The following CUX1 variants were observed in gnomAD, a reference collection of about 807,000 sequenced individuals.
CUX1 encodes cut like homeobox 1, also known as protein CASP.
A neutral mutation model predicts 158.8 loss-of-function variants in CUX1; 31 were observed. That is an observed-to-expected ratio of 0.20 (90% confidence interval 0.15 to 0.26). The LOEUF (loss-of-function observed/expected upper bound fraction) is 0.26. CUX1 is among the 10% of genes least tolerant of loss of function. CUX1 has a pLI of 1.00. For synonymous variants in CUX1, 879 were observed against 862.1 expected (o/e 1.02, Z -0.34); for missense variants, 1,589 against 2,014.6 (o/e 0.79, Z 4.04).
intron 1 of CUX1, among the ~76,000 whole-genome samples, chr7:101,910,511 T>C (rs548560403): frequency 5.7e-4 from 86 of 152,210 alleles, no homozygotes; most frequent in African/African-American, 2.0e-3. Flanking sequence ...AATTCCGCAC[T>C]TTGGCAGGCC....
At chr7:102,039,301 C>A (rs927339884) in intron 3 of CUX1, among the ~76,000 whole-genome samples, 5 of 152,162 alleles carry the variant, frequency 3.3e-5, no homozygotes, top group African/African-American at 1.2e-4. Context: ...CGTCTGGCAT[C>A]CCAGAAGTGC....
intron 1 of CUX1, among the ~76,000 whole-genome samples, chr7:101,832,504 G>T (rs558257464): frequency 2.6e-5 from 4 of 152,302 alleles, no homozygotes; most frequent in East Asian, 3.9e-4. Context: ...AGTCCCCACA[G>T]GTTTATCAAA....
At chr7:102,000,548 A>G (rs991101339) in intron 2 of CUX1, among the ~76,000 whole-genome samples, 8 of 152,232 alleles carry the variant, frequency 5.3e-5, no homozygotes, top group South Asian at 2.1e-4. Context: ...TGTTTAATCA[A>G]TGACTCTGGT....
intron 4 of CUX1, among the ~76,000 whole-genome samples, chr7:102,071,067 C>T (rs1479029360): frequency 6.6e-6 from 1 of 152,156 alleles, no homozygotes; most frequent in Non-Finnish European, 1.5e-5. Flanking sequence ...GCGATCCTCC[C>T]ACCTCAACCT....
intron 1 of CUX1, among the ~76,000 whole-genome samples, chr7:101,882,590 G>A (rs967933628): frequency 1.3e-5 from 2 of 152,192 alleles, no homozygotes; most frequent in East Asian, 1.9e-4. Context: ...AGCACCTCTC[G>A]TCACCTTTTC....
chr7:102,013,783 CACCCTCG>C (rs2129301800), intron 2 of CUX1, among the ~76,000 whole-genome samples: 1 of 152,274 alleles, frequency 6.6e-6, no homozygotes, highest in Non-Finnish European at 1.5e-5. Flanking sequence ...CGGCTCACTG[CACCCTCG>C]ACCTCTCTGG....
chr7:101,818,499 C>G (rs1423707716), intron 1 of CUX1, among the ~76,000 whole-genome samples: 1 of 152,218 alleles, frequency 6.6e-6, no homozygotes, highest in Non-Finnish European at 1.5e-5. Flanking sequence ...TCCTGTCCCC[C>G]ATATTAGCTA....
chr7:102,119,839 G>A (rs546973255), intron 8 of CUX1, among the ~76,000 whole-genome samples: 10 of 152,136 alleles, frequency 6.6e-5, no homozygotes, highest in Admixed American at 4.6e-4. Context: ...GAGCCACTAC[G>A]CCTGACATTC....
chr7:102,028,248 T>A, intron 3 of CUX1, 103 bp downstream of exon 3: 1 of 1,248,308 alleles, frequency 8.0e-7, no homozygotes, highest in East Asian at 2.4e-5. Context: ...GCTGCCCAGA[T>A]GGTGCCTTCC....
Position 102,216,763 on chromosome 7 carries a change from C to G in CUX1, c.3131-10604C>G, listed in dbSNP as rs554415480. Among the ~76,000 whole-genome samples the G allele has an allele frequency of 6.1e-5, 9 of 146,448 alleles. No individual in the cohort carries two copies. In the South Asian group the frequency reaches 1.8e-3, roughly 29 times the overall value. Reference sequence around the variant, plus strand: ...ACACACACTTCTGCACACACACACTCTTCCACACACACTCTCCCACACACA... The same window carrying G: ...ACACACACTTCTGCACACACACACTGTTCCACACACACTCTCCCACACACA... On this transcript the variant is annotated intron_variant, in intron 20 of 23. Coordinates refer to ENST00000292535, the MANE Select transcript of CUX1 (RefSeq NM_181552.4).
intron 1 of CUX1, among the ~76,000 whole-genome samples, chr7:101,850,371 C>A (rs1219107329): frequency 6.6e-6 from 1 of 151,308 alleles, no homozygotes; most frequent in African/African-American, 2.4e-5. Context: ...TCCCCACTCT[C>A]ATTTCCTACA....
At chr7:101,831,835 G>A (rs898326197) in intron 1 of CUX1, among the ~76,000 whole-genome samples, 1 of 151,818 alleles carries the variant, frequency 6.6e-6, no homozygotes, top group Admixed American at 6.6e-5. Context: ...TTGACCTCCC[G>A]GGCTCAAGCT....
In CUX1 at chr7:102,100,078, G is replaced by A. The variant is rs190333519; in HGVS notation, c.406+2577G>A. ...GCAGATCACTTGAGGTCATGAGTTC[G>A]AGACCAGCCTGGCCAACATGACGAA... On this transcript the variant is annotated intron_variant, in intron 5 of 23. Transcript: ENST00000292535. Among the ~76,000 whole-genome samples, 647 of 152,192 alleles carry A rather than the reference G, an allele frequency of 4.3e-3. 1 individual carries two copies. The highest frequency in any genetic ancestry group is 7.1e-3 in the Non-Finnish European group (484 of 68,004).
At chr7:102,283,293 G>C in exon 23 of CUX1, 1 of 584,948 alleles carries the variant, frequency 1.7e-6, no homozygotes. Flanking sequence ...TCCAGAGAGC[G>C]AGCCCCCAAT....
chr7:102,009,320 C>G (rs1817729732), intron 2 of CUX1, among the ~76,000 whole-genome samples: 1 of 152,192 alleles, frequency 6.6e-6, no homozygotes, highest in Non-Finnish European at 1.5e-5. Context: ...TGTTAGGATC[C>G]CTCCACGGAT....
chr7:101,833,371 AC>A, intron 1 of CUX1, among the ~76,000 whole-genome samples: 1 of 149,622 alleles, frequency 6.7e-6, no homozygotes, highest in East Asian at 2.0e-4. Context: ...CAACAGTGAG[AC>A]CCTGTCTCTA....
chr7:102,165,516 C>T, intron 9 of CUX1, among the ~76,000 whole-genome samples: 1 of 151,958 alleles, frequency 6.6e-6, no homozygotes, highest in Non-Finnish European at 1.5e-5. Context: ...AGGTGCACAC[C>T]CCCACGCCCA....
At chr7:102,115,891 A>G (rs1831387076) in intron 8 of CUX1, among the ~76,000 whole-genome samples, 1 of 152,184 alleles carries the variant, frequency 6.6e-6, no homozygotes, top group Admixed American at 6.5e-5. Flanking sequence ...AGATGAAGAA[A>G]TGGCAGAAAT....
chr7:102,151,896 A>G (rs968689336), intron 8 of CUX1, among the ~76,000 whole-genome samples: 1 of 151,560 alleles, frequency 6.6e-6, no homozygotes, highest in African/African-American at 2.4e-5. Flanking sequence ...CTTTTAAAAA[A>G]GAATACCTCC....
Sources: allele counts gnomAD v4.1 joint callset (sites outside exome capture counted in the v4.1 genomes callset), GRCh38; gene constraint gnomAD v4.1.1; transcripts MANE v1.5; gene names NCBI Gene and HGNC (gene_info 2026-07-23, HGNC 2026-07-21).